Variants in ARFGEF1 observed in about 807,000 individuals in gnomAD.
ARFGEF1 encodes the protein ARF guanine nucleotide exchange factor 1.
Under a neutral mutation model 231.0 loss-of-function variants are expected in ARFGEF1, and 42 were observed. The ratio of observed to expected loss-of-function variants is 0.18; its 90% CI spans 0.14 to 0.24. ARFGEF1 has a LOEUF of 0.24. Ranked by LOEUF, ARFGEF1 falls within the 10% of genes least tolerant of loss-of-function variation. ARFGEF1 has a pLI of 1.00. For synonymous variants in ARFGEF1, 710 were observed against 732.3 expected (o/e 0.97, Z 0.49); for missense variants, 1,345 against 2,192.0 (o/e 0.61, Z 7.72).
chr8:67,285,978 A>G (rs2128906319), intron 7 of ARFGEF1, among the ~76,000 whole-genome samples: 1 of 152,316 alleles, frequency 6.6e-6, no homozygotes, highest in African/African-American at 2.4e-5. Flanking sequence ...TGAGTTCTGG[A>G]TTTAGAAAAG....
At chr8:67,269,912 A>G (rs572645890) in intron 10 of ARFGEF1, among the ~76,000 whole-genome samples, 1 of 152,280 alleles carries the variant, frequency 6.6e-6, no homozygotes, top group African/African-American at 2.4e-5. Context: ...AACTTAAATA[A>G]TTTTTGATAT....
chr8:67,324,454 A>G (rs148577068), intron 1 of ARFGEF1, among the ~76,000 whole-genome samples: 18 of 152,314 alleles, frequency 1.2e-4, no homozygotes, highest in African/African-American at 3.8e-4. Context: ...CTGCCACAGC[A>G]TGTTCCTATA....
chr8:67,219,086 C>G (rs1175883961), intron 30 of ARFGEF1, among the ~76,000 whole-genome samples: 1 of 152,170 alleles, frequency 6.6e-6, no homozygotes, highest in African/African-American at 2.4e-5. Context: ...CCTGCCTCAG[C>G]CTCCCAAGTA....
chr8:67,260,155 G>A (rs1840595545), intron 14 of ARFGEF1, among the ~76,000 whole-genome samples: 1 of 152,036 alleles, frequency 6.6e-6, no homozygotes, highest in Non-Finnish European at 1.5e-5. Flanking sequence ...TCATTTCACT[G>A]ACTTGTTTAC....
Position 67,296,481 on chromosome 8 carries a change from T to A in ARFGEF1, c.589A>T (p.Thr197Ser). ...ATAACATTTAGCATCTGAGTGAGAG[T>A]AGCTTTGGCTGTTGTCTGATTGATG... ...NLINQTTAKA[T>S]LTQMLNVIFA... The change falls in exon 5 of 39, where the codon ACT (threonine) becomes TCT (serine). Residue 197 changes from threonine (T) to serine (S), a missense_variant. Physicochemically the swap from Thr to Ser is moderately conservative, Grantham distance 58 (BLOSUM62 1). Around this residue, in one of 14 missense-constraint regions of ARFGEF1, gnomAD observed 398 missense variants for 463.2 expected, o/e 0.86. Coordinates refer to ENST00000262215, the MANE Select transcript of ARFGEF1 (RefSeq NM_006421.5). 1 of 1,614,010 alleles carries A rather than the reference T, an allele frequency of 6.2e-7. No individual in the cohort carries two copies. Among genetic ancestry groups the A allele is most frequent in the Non-Finnish European group, 8.5e-7 (1 of 1,179,956 alleles).
chr8:67,323,232 A>ACACAG (rs1807677333), intron 1 of ARFGEF1, among the ~76,000 whole-genome samples: 1 of 152,028 alleles, frequency 6.6e-6, no homozygotes, highest in Admixed American at 6.5e-5. Flanking sequence ...AGCCTGAGTG[A>ACACAG]CACAGCAAGA....
At chr8:67,245,967 T>C (rs1475223531) in intron 19 of ARFGEF1, among the ~76,000 whole-genome samples, 3 of 149,892 alleles carry the variant, frequency 2.0e-5, no homozygotes, top group Non-Finnish European at 4.4e-5. Flanking sequence ...TCAGAAAAAA[T>C]ATATTTCAAG....
chr8:67,335,748 T>C (rs1808315686), intron 1 of ARFGEF1, among the ~76,000 whole-genome samples: 1 of 152,124 alleles, frequency 6.6e-6, no homozygotes, highest in Non-Finnish European at 1.5e-5. Flanking sequence ...TTTTAAAGAT[T>C]TTCTTTTTTT....
chr8:67,194,687 T>TA (rs546923662), downstream of ARFGEF1, among the ~76,000 whole-genome samples: 799 of 135,552 alleles, frequency 5.9e-3, 1 homozygote, highest in African/African-American at 0.013. Context: ...CCAGGAGAAT[T>TA]AAAAAAAAAA....
intron 14 of ARFGEF1, among the ~76,000 whole-genome samples, chr8:67,262,724 A>G (rs1397184687): frequency 1.3e-5 from 2 of 152,212 alleles, no homozygotes; most frequent in Non-Finnish European, 2.9e-5. Context: ...ACACTCAGGT[A>G]AGACACTCTA....
intron 14 of ARFGEF1, among the ~76,000 whole-genome samples, chr8:67,262,528 C>T (rs1174526714): frequency 2.0e-5 from 3 of 152,174 alleles, no homozygotes; most frequent in African/African-American, 7.2e-5. Flanking sequence ...AGACGACAGA[C>T]TCCAATTTTG....
chr8:67,249,997 A>G (rs962159224), intron 19 of ARFGEF1, among the ~76,000 whole-genome samples: 7 of 152,240 alleles, frequency 4.6e-5, no homozygotes, highest in African/African-American at 1.7e-4. Context: ...CATACCTCAT[A>G]TGAATGCCCT....
At chr8:67,184,028 T>G (rs1833729258) in intron 5 of ARFGEF1, among the ~76,000 whole-genome samples, 1 of 152,070 alleles carries the variant, frequency 6.6e-6, no homozygotes, top group Non-Finnish European at 1.5e-5. Flanking sequence ...AATTTTTGTA[T>G]TTTTAGTAGA....
downstream of ARFGEF1, among the ~76,000 whole-genome samples, chr8:67,195,161 A>AT (rs1217818746): frequency 3.9e-5 from 6 of 152,068 alleles, no homozygotes. Context: ...TCAGTTGATC[A>AT]TTTTTTGTTT....
Position 67,302,907 on chromosome 8 carries a change from A to T in ARFGEF1, c.125-441T>A, listed in dbSNP as rs568173274. 3.3e-3 allele frequency among the ~76,000 whole-genome samples: 130 copies of T among 39,294 alleles called. 2 individuals are homozygous for T. In the East Asian group the frequency reaches 0.1, roughly 31 times the overall value. 25.8% of individuals were successfully genotyped at this position (39,294 alleles called of 152,430 possible). ...CTGGGCAACAAAGACCCCATCTCTT[A>T]AAAAAAAAAAAAAAAAAAAAAAAAA... On this transcript the variant is annotated intron_variant, in intron 1 of 38. Coordinates refer to ENST00000262215, the MANE Select transcript of ARFGEF1 (RefSeq NM_006421.5).
rs1319865765 is a variant in ARFGEF1 at position 67,198,606 on chromosome 8, T to C, written c.*328A>G. On this transcript the variant is annotated 3_prime_UTR_variant, in exon 39 of 39. Transcript: ENST00000262215. ...TTCTTGTAGAAGTTCAATCTTTACATCTATAGTTCTTTGGGTAAGTTTCAC... is the reference window on the plus strand; with the variant it reads ...TTCTTGTAGAAGTTCAATCTTTACACCTATAGTTCTTTGGGTAAGTTTCAC... 5 of 1,056,276 alleles carry C rather than the reference T, an allele frequency of 4.7e-6. No individual in the cohort carries two copies. Among genetic ancestry groups the C allele is most frequent in the African/African-American group, 1.7e-5 (1 of 58,350 alleles). The allele number at this position is 1,056,276 out of a possible 1,614,324, so 65.4% of individuals were successfully genotyped here.
intron 1 of ARFGEF1, among the ~76,000 whole-genome samples, chr8:67,338,312 C>T (rs1808442555): frequency 6.6e-6 from 1 of 152,120 alleles, no homozygotes; most frequent in South Asian, 2.1e-4. Flanking sequence ...ATGGTCTCAC[C>T]AGTAGTTAGG....
intron 3 of ARFGEF1, among the ~76,000 whole-genome samples, chr8:67,300,406 T>C (rs1193332831): frequency 6.6e-6 from 1 of 152,192 alleles, no homozygotes; most frequent in Non-Finnish European, 1.5e-5. Flanking sequence ...TCTGTATATG[T>C]GTCAAACAGG....
chr8:67,199,972 C>A, intron 38 of ARFGEF1: 1 of 284,450 alleles, frequency 3.5e-6, no homozygotes, highest in Non-Finnish European at 7.1e-6. Flanking sequence ...TACCTGGAAC[C>A]ACTAAATATG....
Sources: allele counts gnomAD v4.1 joint callset (sites outside exome capture counted in the v4.1 genomes callset), GRCh38; gene constraint gnomAD v4.1.1; regional missense constraint gnomAD v4.1.1; transcripts MANE v1.5; gene names NCBI Gene and HGNC (gene_info 2026-07-23, HGNC 2026-07-21).